The following NPAS3 variants were observed in gnomAD, a reference collection of about 807,000 sequenced individuals.
NPAS3 encodes the protein neuronal PAS domain protein 3, also known as neuronal PAS domain-containing protein 3.
In NPAS3, 14 loss-of-function variants were observed where a neutral mutation model predicts 73.1. The ratio of observed to expected loss-of-function variants is 0.19; its 90% CI spans 0.13 to 0.30. The LOEUF is 0.30. NPAS3 is among the 10% of genes least tolerant of loss of function. The pLI, the probability that NPAS3 is intolerant of heterozygous loss-of-function variation, is 1.00. For missense variants in NPAS3, 1,096 were observed against 1,250.0 expected (o/e 0.88, Z 1.86); for synonymous variants, 620 against 541.5 (o/e 1.14, Z -2.01).
At chr14:33,568,699 G>A (rs1407513937) in intron 5 of NPAS3, among the ~76,000 whole-genome samples, 3 of 152,152 alleles carry the variant, frequency 2.0e-5, no homozygotes, top group Non-Finnish European at 4.4e-5. Flanking sequence ...TCTTACATAA[G>A]AAGATAAGGT....
chr14:33,147,468 A>G (rs972267997), intron 2 of NPAS3, among the ~76,000 whole-genome samples: 1 of 152,068 alleles, frequency 6.6e-6, no homozygotes, highest in African/African-American at 2.4e-5. Flanking sequence ...ACAAATAGCC[A>G]ATATGCTAGG....
At chr14:33,455,281 T>G (rs1234190427) in intron 4 of NPAS3, among the ~76,000 whole-genome samples, 1 of 152,218 alleles carries the variant, frequency 6.6e-6, no homozygotes, top group African/African-American at 2.4e-5. Flanking sequence ...TTTGTTGTAT[T>G]TCAGCTCCTA....
chr14:33,523,451 CAAAA>C (rs755370427), intron 4 of NPAS3, among the ~76,000 whole-genome samples: 2 of 46,720 alleles, frequency 4.3e-5, no homozygotes. Context: ...GACTCTGTCT[CAAAA>C]AAAAAAAAAA....
intron 3 of NPAS3, among the ~76,000 whole-genome samples, chr14:33,309,764 C>G (rs2042922672): frequency 6.6e-6 from 1 of 152,146 alleles, no homozygotes; most frequent in South Asian, 2.1e-4. Context: ...TGTATATGAA[C>G]AAATTATTAC....
chr14:33,195,513 C>T (rs762055697), intron 2 of NPAS3, among the ~76,000 whole-genome samples: 32 of 152,276 alleles, frequency 2.1e-4, no homozygotes, highest in Admixed American at 1.5e-3. Flanking sequence ...GTGATCCACC[C>T]GCTTCGGCCT....
In NPAS3 at chr14:33,123,643, T is replaced by G. The variant is rs140050993; in HGVS notation, c.140+67649T>G. On this transcript the variant is annotated intron_variant, in intron 2 of 11. Coordinates refer to ENST00000356141, the Ensembl canonical transcript of NPAS3. Reference sequence around the variant, plus strand: ...AGTTATATGTAATTTCCTGATAATATGTAGGCCCCAAGAAAAAGAAAAACC... The same window carrying G: ...AGTTATATGTAATTTCCTGATAATAGGTAGGCCCCAAGAAAAAGAAAAACC... 9.2e-3 allele frequency among the ~76,000 whole-genome samples: 1,395 copies of G among 152,014 alleles called. 12 individuals are homozygous for G. Among genetic ancestry groups the G allele is most frequent in the Middle Eastern group, 0.02 (6 of 294 alleles).
chr14:32,954,476 T>G (rs1456011900), intron 1 of NPAS3, among the ~76,000 whole-genome samples: 2 of 152,162 alleles, frequency 1.3e-5, no homozygotes, highest in East Asian at 1.9e-4. Context: ...GTTTTGAAAT[T>G]GGATTTAAGC....
intron 2 of NPAS3, among the ~76,000 whole-genome samples, chr14:33,186,605 A>AC (rs1178071410): frequency 6.6e-6 from 1 of 151,994 alleles, no homozygotes; most frequent in Non-Finnish European, 1.5e-5. Flanking sequence ...AGTCTGATCT[A>AC]CCTCCAGTGT....
chr14:33,306,611 G>A (rs1312896659), intron 3 of NPAS3, among the ~76,000 whole-genome samples: 1 of 152,186 alleles, frequency 6.6e-6, no homozygotes, highest in African/African-American at 2.4e-5. Context: ...ATGCAATTTG[G>A]TGGAGATGTG....
chr14:33,286,397 A>G (rs1213762934), intron 3 of NPAS3, among the ~76,000 whole-genome samples: 1 of 152,242 alleles, frequency 6.6e-6, no homozygotes, highest in Non-Finnish European at 1.5e-5. Flanking sequence ...ATCTGTGGAT[A>G]CAGAGATAGT....
chr14:33,266,379 A>G (rs2040816678), intron 3 of NPAS3, among the ~76,000 whole-genome samples: 1 of 152,178 alleles, frequency 6.6e-6, no homozygotes, highest in African/African-American at 2.4e-5. Context: ...AGAATAATTC[A>G]GATTGAAGAG....
intron 4 of NPAS3, among the ~76,000 whole-genome samples, chr14:33,452,600 G>A (rs1374719780): frequency 6.6e-6 from 1 of 151,490 alleles, no homozygotes; most frequent in Non-Finnish European, 1.5e-5. Context: ...GTGAAACCCC[G>A]TCTCTACTAA....
intron 2 of NPAS3, among the ~76,000 whole-genome samples, chr14:33,178,704 C>G (rs978022605): frequency 1.3e-5 from 2 of 152,088 alleles, no homozygotes; most frequent in Non-Finnish European, 1.5e-5. Context: ...AATTTAGATG[C>G]TCTAGTAGTT....
intron 2 of NPAS3, among the ~76,000 whole-genome samples, chr14:33,165,420 G>A (rs971418029): frequency 5.3e-5 from 8 of 151,964 alleles, no homozygotes; most frequent in Non-Finnish European, 1.0e-4. Flanking sequence ...GGGGACTACA[G>A]AGAATTCGTT....
intron 3 of NPAS3, among the ~76,000 whole-genome samples, chr14:33,295,609 T>C (rs1566768957): frequency 6.6e-6 from 1 of 152,212 alleles, no homozygotes; most frequent in Non-Finnish European, 1.5e-5. Context: ...GTAAAGCATA[T>C]AGATTGGCTC....
chr14:32,947,583 A>G (rs1018647438), intron 1 of NPAS3, among the ~76,000 whole-genome samples: 11 of 152,206 alleles, frequency 7.2e-5, no homozygotes, highest in Admixed American at 3.3e-4. Context: ...GTCACATGAT[A>G]CACACATATA....
At chr14:33,363,600 A>C (rs1158706962) in intron 3 of NPAS3, among the ~76,000 whole-genome samples, 1 of 152,218 alleles carries the variant, frequency 6.6e-6, no homozygotes, top group Non-Finnish European at 1.5e-5. Context: ...GTAAAACATG[A>C]AATAGTAGAG....
chr14:33,168,941 G>T (rs1345582324), intron 2 of NPAS3, among the ~76,000 whole-genome samples: 2 of 152,172 alleles, frequency 1.3e-5, no homozygotes, highest in Non-Finnish European at 2.9e-5. Context: ...TGTAATATGA[G>T]AAGTTTTTCT....
chr14:33,356,654 G>A (rs751532966), intron 3 of NPAS3, among the ~76,000 whole-genome samples: 1 of 152,228 alleles, frequency 6.6e-6, no homozygotes, highest in Non-Finnish European at 1.5e-5. Context: ...TGTGGGGGGT[G>A]CTTGGCTCTT....
Sources: gnomAD v4.1 joint callset for allele counts (sites outside exome capture counted in the v4.1 genomes callset) on GRCh38, gnomAD v4.1.1 for gene constraint, MANE v1.5 for transcripts, NCBI Gene and HGNC (gene_info 2026-07-23, HGNC 2026-07-21) for gene names.